Variants in RAB30 observed in about 807,000 individuals in gnomAD.
The protein encoded by RAB30 is RAB30, member RAS oncogene family.
Under a neutral mutation model 25.1 loss-of-function variants are expected in RAB30, and 9 were observed. The observed-to-expected ratio is 0.36, with a 90% CI of 0.22 to 0.63. RAB30 has a LOEUF of 0.63. Ranked by LOEUF, RAB30 falls within the 20% of genes least tolerant of loss-of-function variation. The probability of loss-of-function intolerance (pLI) is 0.69; values close to 1 mark genes in which losing one functional copy is unlikely to be tolerated. For synonymous variants in RAB30, 77 were observed against 86.4 expected (o/e 0.89, Z 0.60); for missense variants, 140 against 243.5 (o/e 0.58, Z 2.83).
Position 83,031,364 on chromosome 11 carries a change from C to G in RAB30, c.-8-34040G>C, listed in dbSNP as rs1349814910. On this transcript the variant is annotated intron_variant, in intron 1 of 4. Coordinates refer to ENST00000527633, the MANE Select transcript of RAB30 (RefSeq NM_001286060.2). ...CAAGTCAGTTGTCTGACAGAATGTT[C>G]TACATTCTAAATTTCTCTGTTTGTT... is the stretch of plus-strand genomic sequence containing the variant. Among the ~76,000 whole-genome samples the G allele has an allele frequency of 3.3e-5, 5 of 152,262 alleles. No homozygotes were observed. The Middle Eastern group carries it at 0.01, about 311-fold the overall frequency.
At chr11:83,045,212 A>ATT (rs11379378) in intron 1 of RAB30, among the ~76,000 whole-genome samples, 4 of 151,438 alleles carry the variant, frequency 2.6e-5, no homozygotes, top group Admixed American at 6.6e-5. Flanking sequence ...TTCTGTAAAC[A>ATT]TTTTTTTTTA....
intron 1 of RAB30, among the ~76,000 whole-genome samples, chr11:83,029,749 G>C (rs1334065915): frequency 6.6e-6 from 1 of 151,956 alleles, no homozygotes; most frequent in Non-Finnish European, 1.5e-5. Context: ...ATGCATACTT[G>C]TAGCAGCACA....
At chr11:83,052,057 C>G (rs1451727950) in intron 1 of RAB30, among the ~76,000 whole-genome samples, 1 of 152,168 alleles carries the variant, frequency 6.6e-6, no homozygotes, top group Non-Finnish European at 1.5e-5. Context: ...CAAATGCCTC[C>G]TTGAGCAATA....
At chr11:83,021,625 T>A (rs1474066973) in intron 1 of RAB30, among the ~76,000 whole-genome samples, 1 of 152,370 alleles carries the variant, frequency 6.6e-6, no homozygotes, top group African/African-American at 2.4e-5. Context: ...CCAGTCTCCC[T>A]TGGAGGCATG....
At chr11:83,019,344 A>T (rs1857512583) in intron 1 of RAB30, among the ~76,000 whole-genome samples, 1 of 152,204 alleles carries the variant, frequency 6.6e-6, no homozygotes. Context: ...TTTTTTAAAA[A>T]ATAACAACTA....
intron 1 of RAB30, among the ~76,000 whole-genome samples, chr11:83,022,050 T>C (rs1296787285): frequency 6.6e-6 from 1 of 152,014 alleles, no homozygotes. Context: ...CAAGTGAAAA[T>C]CACGGCTGTA....
intron 1 of RAB30, among the ~76,000 whole-genome samples, chr11:83,063,800 G>A (rs1412647664): frequency 1.3e-5 from 2 of 152,150 alleles, no homozygotes; most frequent in African/African-American, 2.4e-5. Context: ...ATATCTTACA[G>A]AAATATTCCC....
chr11:83,045,616 C>T (rs1858217849), intron 1 of RAB30, among the ~76,000 whole-genome samples: 1 of 152,218 alleles, frequency 6.6e-6, no homozygotes. Flanking sequence ...CCTGACTCTA[C>T]CACTTATTGG....
intron 1 of RAB30, among the ~76,000 whole-genome samples, chr11:83,000,393 T>G (rs1479400482): frequency 6.6e-6 from 1 of 152,142 alleles, no homozygotes; most frequent in Non-Finnish European, 1.5e-5. Flanking sequence ...TAAATAAGAA[T>G]CAAAGTCAAA....
intron 1 of RAB30, among the ~76,000 whole-genome samples, chr11:83,022,906 T>C (rs1054191354): frequency 6.6e-6 from 1 of 152,006 alleles, no homozygotes; most frequent in Non-Finnish European, 1.5e-5. Flanking sequence ...GAGTTTCAGG[T>C]GAAGTGTTAT....
In RAB30 at chr11:83,062,970, T is replaced by C. The variant is rs370993909; in HGVS notation, c.-9+8721A>G. ...GTGAGCCAAGATTGCGCCACTGCACTCCAGCCTGGGTGACAGAGTGGGACT... is the reference window on the plus strand; with the variant it reads ...GTGAGCCAAGATTGCGCCACTGCACCCCAGCCTGGGTGACAGAGTGGGACT... On this transcript the variant is annotated intron_variant, in intron 1 of 4. Transcript: ENST00000527633. Among the ~76,000 whole-genome samples the C allele has an allele frequency of 1.5e-4, 21 of 142,086 alleles. No individual in the cohort carries two copies. The East Asian group carries it at 4.0e-3, about 27-fold the overall frequency. The allele number at this position is 142,086 out of a possible 152,430, so 93.2% of individuals were successfully genotyped here.
At chr11:83,008,387 T>A (rs1312803388) in intron 1 of RAB30, among the ~76,000 whole-genome samples, 3 of 152,146 alleles carry the variant, frequency 2.0e-5, no homozygotes, top group African/African-American at 7.2e-5. Context: ...CTCAGCAACC[T>A]GAATAGATGA....
intron 1 of RAB30, among the ~76,000 whole-genome samples, chr11:83,001,591 TG>T (rs1857087043): frequency 6.6e-6 from 1 of 152,230 alleles, no homozygotes; most frequent in South Asian, 2.1e-4. Flanking sequence ...GTTACTGTTT[TG>T]CTTCTAATGG....
chr11:83,052,886 A>C (rs897735744), intron 1 of RAB30, among the ~76,000 whole-genome samples: 4 of 152,216 alleles, frequency 2.6e-5, no homozygotes, highest in African/African-American at 9.6e-5. Context: ...CAAATTGCCA[A>C]GATCAAACAC....
chr11:83,064,242 C>T (rs542615142), intron 1 of RAB30, among the ~76,000 whole-genome samples: 13 of 152,202 alleles, frequency 8.5e-5, no homozygotes, highest in Admixed American at 2.6e-4. Flanking sequence ...CACAGGTGTG[C>T]GCCACCACAC....
chr11:83,005,752 A>C (rs1857171012), intron 1 of RAB30, among the ~76,000 whole-genome samples: 1 of 152,100 alleles, frequency 6.6e-6, no homozygotes, highest in African/African-American at 2.4e-5. Flanking sequence ...ATTTCACTAA[A>C]TGTTTCAAAA....
intron 1 of RAB30, among the ~76,000 whole-genome samples, chr11:83,000,986 G>A (rs1857068037): frequency 7.2e-6 from 1 of 139,678 alleles, no homozygotes; most frequent in Non-Finnish European, 1.5e-5. Flanking sequence ...GGCAGAGCTT[G>A]CAGTGAGCTG....
At chr11:83,000,829 G>A (rs920211290) in intron 1 of RAB30, among the ~76,000 whole-genome samples, 1 of 151,878 alleles carries the variant, frequency 6.6e-6, no homozygotes, top group Non-Finnish European at 1.5e-5. Context: ...CGAGGCGGGC[G>A]GATCACGAGG....
At position 82,981,973 on chromosome 11, in the gene RAB30, G is replaced by T; in HGVS notation, c.*192C>A. The T allele has an allele frequency of 1.4e-6, 1 of 690,586 alleles. No individual in the cohort carries two copies. Among genetic ancestry groups the T allele is most frequent in the South Asian group, 2.0e-5 (1 of 50,354 alleles). The allele number at this position is 690,586 out of a possible 1,614,324, so 42.8% of individuals were successfully genotyped here. On this transcript the variant is annotated 3_prime_UTR_variant, in exon 5 of 5. Transcript: ENST00000527633. Reference sequence around the variant, plus strand: ...TGCTCCAACTCCAGACTGGAAAAGGGTGAAACCATTATATGTTCTGCTAAT... The same window carrying T: ...TGCTCCAACTCCAGACTGGAAAAGGTTGAAACCATTATATGTTCTGCTAAT...
Sources: allele counts gnomAD v4.1 joint callset (sites outside exome capture counted in the v4.1 genomes callset), GRCh38; gene constraint gnomAD v4.1.1; transcripts MANE v1.5; gene names NCBI Gene and HGNC (gene_info 2026-07-23, HGNC 2026-07-21).